Variants in STOX2 observed in about 807,000 individuals in gnomAD.
STOX2 encodes storkhead box 2, also known as storkhead-box protein 2.
A neutral mutation model predicts 60.9 loss-of-function variants in STOX2; 28 were observed. The observed-to-expected ratio is 0.46, with a 90% CI of 0.34 to 0.63. The LOEUF (loss-of-function observed/expected upper bound fraction) is 0.63, where lower values mean the gene tolerates loss of function less well. Ranked by LOEUF, STOX2 falls within the 30% of genes least tolerant of loss-of-function variation. STOX2 has a pLI of 0.01. For synonymous variants in STOX2, 472 were observed against 463.9 expected (o/e 1.02, Z -0.22); for missense variants, 1,024 against 1,187.7 (o/e 0.86, Z 2.03).
At chr4:183,928,801 A>G (rs1221884516) in intron 1 of STOX2, among the ~76,000 whole-genome samples, 1 of 151,934 alleles carries the variant, frequency 6.6e-6, no homozygotes, top group East Asian at 1.9e-4. Context: ...GCGAGACTCC[A>G]TCTCAGGAAA....
intron 1 of STOX2, among the ~76,000 whole-genome samples, chr4:183,929,783 T>C (rs1658458328): frequency 6.6e-6 from 1 of 152,200 alleles, no homozygotes; most frequent in Non-Finnish European, 1.5e-5. Context: ...ACAGCTGTTT[T>C]GTTGATGTTA....
chr4:183,819,402 A>G (rs1335261391), intron 1 of STOX2, among the ~76,000 whole-genome samples: 2 of 151,840 alleles, frequency 1.3e-5, no homozygotes, highest in Admixed American at 6.5e-5. Context: ...AAAACCAGTC[A>G]GGCATGGCGG....
chr4:183,945,088 A>G (rs950951541), intron 1 of STOX2, among the ~76,000 whole-genome samples: 4 of 152,240 alleles, frequency 2.6e-5, no homozygotes, highest in Non-Finnish European at 5.9e-5. Flanking sequence ...CTGGGTATGG[A>G]GTCTGTGAGT....
chr4:183,834,318 C>G (rs1303913083), intron 1 of STOX2, among the ~76,000 whole-genome samples: 1 of 152,118 alleles, frequency 6.6e-6, no homozygotes, highest in African/African-American at 2.4e-5. Flanking sequence ...AGTTTTGCAC[C>G]GTGCAGCCTG....
At chr4:183,807,359 A>T (rs981036937) in intron 1 of STOX2, among the ~76,000 whole-genome samples, 5 of 133,846 alleles carry the variant, frequency 3.7e-5, no homozygotes, top group Non-Finnish European at 8.1e-5. Flanking sequence ...AACAAATTTT[A>T]TTATGGACAG....
At chr4:183,885,240 T>G (rs1741054132) in intron 1 of STOX2, among the ~76,000 whole-genome samples, 1 of 152,140 alleles carries the variant, frequency 6.6e-6, no homozygotes, top group East Asian at 1.9e-4. Context: ...TCATACTGTT[T>G]GTTGTTGGTG....
rs1734465114 is a variant in STOX2 at position 184,018,528 on chromosome 4, C to T, written c.*1244C>T. The T allele has an allele frequency of 1.3e-5, 2 of 152,056 alleles. No individual in the cohort carries two copies. The highest frequency in any genetic ancestry group is 1.3e-4 in the Admixed American group (2 of 15,268). The allele number at this position is 152,056 out of a possible 1,614,324, so 9.4% of individuals were successfully genotyped here. On this transcript the variant is annotated 3_prime_UTR_variant, in exon 4 of 4. Transcript: ENST00000308497. ...TGCGGTATAATCCGAATTTGTACTCCCCTAAAATTTATCAGAATAACAATT... is the reference window on the plus strand; with the variant it reads ...TGCGGTATAATCCGAATTTGTACTCTCCTAAAATTTATCAGAATAACAATT...
intron 1 of STOX2, among the ~76,000 whole-genome samples, chr4:183,925,854 G>C (rs1579424632): frequency 6.6e-6 from 1 of 152,230 alleles, no homozygotes; most frequent in African/African-American, 2.4e-5. Flanking sequence ...TCTACTAAGA[G>C]ATTGCTCCTT....
At chr4:183,952,777 G>C (rs1050998781) in intron 1 of STOX2, among the ~76,000 whole-genome samples, 4 of 152,132 alleles carry the variant, frequency 2.6e-5, no homozygotes, top group Non-Finnish European at 5.9e-5. Flanking sequence ...GACTCCTTAG[G>C]GTCCTACATA....
intron 1 of STOX2, among the ~76,000 whole-genome samples, chr4:183,921,522 T>C (rs1473887619): frequency 1.3e-5 from 2 of 152,154 alleles, no homozygotes; most frequent in Non-Finnish European, 2.9e-5. Context: ...AGCATTTCAG[T>C]GGTCCAGGAG....
chr4:183,953,190 T>TA (rs985744238), intron 1 of STOX2, among the ~76,000 whole-genome samples: 4 of 150,034 alleles, frequency 2.7e-5, no homozygotes, highest in South Asian at 2.1e-4. Context: ...AGTATAATTT[T>TA]AAAAAAAAAA....
rs1049999253 is a variant in STOX2, at chr4:183,825,423, C to G, written c.364+27368C>G. On this transcript the variant is annotated intron_variant, in intron 1 of 2. Transcript: ENST00000513034. This position sits in a 1 kb window ranked among gnomAD's most constrained non-coding sequence, Gnocchi z 4.1. The stretch of plus-strand genomic sequence containing the variant: ...GTGTGGCGCGTGCTGCAGATGGCAG[C>G]GGTCAGCTCGTGTCATCTCCTAGCA... Among the ~76,000 whole-genome samples, 1 of 152,082 alleles carries G rather than the reference C, an allele frequency of 6.6e-6. No individual in the cohort carries two copies. The highest frequency in any genetic ancestry group is 2.4e-5 in the African/African-American group (1 of 41,350).
chr4:183,961,628 C>T (rs1421323469), intron 1 of STOX2, among the ~76,000 whole-genome samples: 2 of 152,186 alleles, frequency 1.3e-5, no homozygotes, highest in African/African-American at 4.8e-5. Flanking sequence ...GTGTTACATG[C>T]GTATCTTCCA....
intron 1 of STOX2, among the ~76,000 whole-genome samples, chr4:183,851,087 G>A (rs1357277916): frequency 1.4e-4 from 14 of 99,138 alleles, no homozygotes; most frequent in African/African-American, 4.4e-4. Flanking sequence ...TGAGAGAAAG[G>A]ATGAGGGAAA....
At position 184,009,188 on chromosome 4, in the gene STOX2, G is replaced by A. The variant is rs775132636; in HGVS notation, c.350G>A (p.Arg117Gln). ...CCAACGCCAAGCCAAGAAATTCTGC[G>A]GCACACGCTGAACACGCTGGTACGG... The part of the protein sequence containing the change: ...GVPTPSQEIL[R>Q]HTLNTLVRER... The change falls in exon 3 of 4, where the codon CGG (arginine) becomes CAG (glutamine). Residue 117 changes from arginine (R) to glutamine (Q), a missense_variant. By Grantham distance (43) the Arg-to-Gln change is conservative. Coordinates refer to ENST00000308497, the MANE Select transcript of STOX2 (RefSeq NM_020225.3). The surrounding 1 kb of genome is among the most constrained non-coding windows in gnomAD (Gnocchi z 4.0). 10 of 1,415,814 alleles carry A rather than the reference G, an allele frequency of 7.1e-6. No homozygotes were observed. In the African/African-American group the frequency reaches 7.3e-5, roughly 10 times the overall value. The allele number at this position is 1,415,814 out of a possible 1,614,324, so 87.7% of individuals were successfully genotyped here.
At chr4:183,980,067 A>G (rs1057067456) in intron 1 of STOX2, among the ~76,000 whole-genome samples, 3 of 152,224 alleles carry the variant, frequency 2.0e-5, no homozygotes, top group Admixed American at 6.5e-5. Flanking sequence ...AATCACTGTG[A>G]TCTTAGAAAA....
chr4:183,985,244 T>C (rs1350909746), intron 1 of STOX2, among the ~76,000 whole-genome samples: 1 of 152,214 alleles, frequency 6.6e-6, no homozygotes, highest in African/African-American at 2.4e-5. Flanking sequence ...TTTTTTTGTT[T>C]ACAGTGGCTT....
At chr4:183,938,051 T>TA (rs1369502199) in intron 1 of STOX2, among the ~76,000 whole-genome samples, 4 of 151,990 alleles carry the variant, frequency 2.6e-5, no homozygotes, top group African/African-American at 9.6e-5. Flanking sequence ...TGGGAGGCTG[T>TA]GGTGGGAGGA....
At chr4:183,951,224 G>GAA (rs70959161) in intron 1 of STOX2, among the ~76,000 whole-genome samples, 1,894 of 125,152 alleles carry the variant, frequency 0.015, 43 homozygotes, top group African/African-American at 0.048. Context: ...CAAAAAAAAA[G>GAA]AAAAAAAAAA....
Sources: allele counts gnomAD v4.1 joint callset (sites outside exome capture counted in the v4.1 genomes callset), GRCh38; gene constraint gnomAD v4.1.1; non-coding constraint Gnocchi (gnomAD v3.1); transcripts MANE v1.5; gene names NCBI Gene and HGNC (gene_info 2026-07-23, HGNC 2026-07-21).